Variants in PRR16 observed in about 807,000 individuals in gnomAD.
The protein encoded by PRR16 is protein Largen.
PRR16 carries 6 observed loss-of-function variants against 18.2 expected under a neutral mutation model. That is an observed-to-expected ratio of 0.33 (90% CI 0.18 to 0.65). PRR16 has a LOEUF of 0.65. Among genes scored for constraint, PRR16 ranks in the 30% least tolerant of loss-of-function variants. The probability of loss-of-function intolerance (pLI) is 0.74; values close to 1 mark genes in which losing one functional copy is unlikely to be tolerated. For synonymous variants in PRR16, 151 were observed against 147.8 expected, an observed-to-expected ratio of 1.02 and a Z score of -0.16; for missense variants, 412 against 376.6, an observed-to-expected ratio of 1.09 and a Z score of -0.78.
the PRR16 span, among the ~76,000 whole-genome samples, chr5:120,734,540 G>T: frequency 1.4e-3 from 115 of 80,330 alleles, no homozygotes; most frequent in African/African-American, 3.6e-3. Context: ...ATGCTAACCC[G>T]GCTGGGATTT....
the PRR16 span, among the ~76,000 whole-genome samples, chr5:120,750,934 C>G: frequency 6.6e-6 from 1 of 152,064 alleles, no homozygotes. Flanking sequence ...CCTATTTATC[C>G]CCTACTCCCT....
At chr5:120,785,650 G>C in the PRR16 span, among the ~76,000 whole-genome samples, 1 of 144,136 alleles carries the variant, frequency 6.9e-6, no homozygotes, top group Non-Finnish European at 1.5e-5. Flanking sequence ...TCAGCTCACT[G>C]CAACCTCCTC....
intron 1 of PRR16, among the ~76,000 whole-genome samples, chr5:120,501,730 G>C (rs532489605): frequency 1.3e-5 from 2 of 151,994 alleles, no homozygotes; most frequent in African/African-American, 4.8e-5. Context: ...GCTGAGGCGG[G>C]CAGATCACAA....
At chr5:120,793,319 T>C in the PRR16 span, among the ~76,000 whole-genome samples, 1 of 151,956 alleles carries the variant, frequency 6.6e-6, no homozygotes, top group Non-Finnish European at 1.5e-5. Context: ...CCTGAAAAGA[T>C]TAAGACCCTG....
intron 1 of PRR16, among the ~76,000 whole-genome samples, chr5:120,672,496 G>A (rs72798425): frequency 0.11 from 16,154 of 147,084 alleles, 1,129 homozygotes; most frequent in Middle Eastern, 0.15. Context: ...AAAAGCAATT[G>A]CAAATTAATT....
At chr5:120,660,557 A>C (rs934672029) in intron 1 of PRR16, among the ~76,000 whole-genome samples, 1 of 152,190 alleles carries the variant, frequency 6.6e-6, no homozygotes, top group African/African-American at 2.4e-5. Flanking sequence ...GGTACTAATG[A>C]TCCAGATTTA....
At position 120,537,877 on chromosome 5, in the gene PRR16, C is replaced by T. The variant is rs890631913; in HGVS notation, c.159+73232C>T. ...ATGCAAGCTCCGCCTCCCGGGTTCA[C>T]GCCATTCTCCTGCCTCAGCCTCCCA... On this transcript the variant is annotated intron_variant, in intron 1 of 1. Transcript: ENST00000407149. Among the ~76,000 whole-genome samples the T allele has an allele frequency of 7.4e-5, 11 of 149,000 alleles. No homozygotes were observed. The East Asian group carries it at 1.8e-3, about 24-fold the overall frequency.
chr5:120,620,022 G>A lies in PRR16; in HGVS notation c.160-65932G>A, dbSNP rs1580795363. ...GAAATAAGAATGTATAGTGTTATTAGAGCGGAGCTAAAATTAATGTGCCTC... is the reference window on the plus strand; with the variant it reads ...GAAATAAGAATGTATAGTGTTATTAAAGCGGAGCTAAAATTAATGTGCCTC... On this transcript the variant is annotated intron_variant, in intron 1 of 1. Transcript: ENST00000407149. 2.6e-5 allele frequency among the ~76,000 whole-genome samples: 4 copies of A among 152,234 alleles called. No individual in the cohort carries two copies. In the South Asian group the frequency reaches 8.3e-4, roughly 32 times the overall value.
At chr5:120,516,450 A>G (rs982031093) in intron 1 of PRR16, among the ~76,000 whole-genome samples, 2 of 148,362 alleles carry the variant, frequency 1.3e-5, no homozygotes, top group South Asian at 2.1e-4. Context: ...AAAAAAAGCA[A>G]GATGTCTTGT....
the PRR16 span, among the ~76,000 whole-genome samples, chr5:120,726,576 T>C: frequency 6.6e-6 from 1 of 152,120 alleles, no homozygotes; most frequent in Non-Finnish European, 1.5e-5. Context: ...ATTTTGATTC[T>C]TACAAATTTT....
At chr5:120,752,563 G>A in the PRR16 span, among the ~76,000 whole-genome samples, 1 of 151,942 alleles carries the variant, frequency 6.6e-6, no homozygotes, top group Non-Finnish European at 1.5e-5. Context: ...GGGAAAATAA[G>A]ATTTTCCTTA....
the PRR16 span, among the ~76,000 whole-genome samples, chr5:120,786,432 T>A: frequency 1.3e-5 from 2 of 151,522 alleles, no homozygotes; most frequent in African/African-American, 2.4e-5. Context: ...AGATTTTTTT[T>A]AACATGATTT....
chr5:120,702,201 T>C, the PRR16 span, among the ~76,000 whole-genome samples: 1 of 140,580 alleles, frequency 7.1e-6, no homozygotes, highest in African/African-American at 2.8e-5. Context: ...GGTGTGGAAA[T>C]AAGGGATGGG....
At chr5:120,651,193 A>T (rs1221706272) in intron 1 of PRR16, among the ~76,000 whole-genome samples, 1 of 151,690 alleles carries the variant, frequency 6.6e-6, no homozygotes, top group East Asian at 1.9e-4. Flanking sequence ...TTTTCTTGTC[A>T]ATTTGTTTGA....
the PRR16 span, among the ~76,000 whole-genome samples, chr5:120,734,234 G>C: frequency 0.048 from 7,379 of 152,248 alleles, 626 homozygotes; most frequent in African/African-American, 0.17. Context: ...GCTTCCCAGG[G>C]AGAAGCCGCA....
At chr5:120,733,177 G>A in the PRR16 span, among the ~76,000 whole-genome samples, 2 of 152,160 alleles carry the variant, frequency 1.3e-5, no homozygotes, top group African/African-American at 4.8e-5. Context: ...ACAGAGTCTT[G>A]TTCTGTCACC....
chr5:120,624,582 C>G (rs1414283085), intron 1 of PRR16, among the ~76,000 whole-genome samples: 2 of 152,180 alleles, frequency 1.3e-5, no homozygotes, highest in East Asian at 3.9e-4. Context: ...AATTACTCAA[C>G]ATCTCTGTGC....
chr5:120,688,605 T>C (rs1253827309), downstream of PRR16, among the ~76,000 whole-genome samples: 1 of 152,200 alleles, frequency 6.6e-6, no homozygotes, highest in East Asian at 1.9e-4. Context: ...CACATGTCTA[T>C]CAAAAGCTAG....
At chr5:120,760,412 C>A in the PRR16 span, among the ~76,000 whole-genome samples, 2 of 152,076 alleles carry the variant, frequency 1.3e-5, no homozygotes, top group Admixed American at 6.6e-5. Context: ...TCTATACTTG[C>A]ATCTTCTCCC....
Sources: gnomAD v4.1 joint callset for allele counts (sites outside exome capture counted in the v4.1 genomes callset) on GRCh38, gnomAD v4.1.1 for gene constraint, MANE v1.5 for transcripts, NCBI Gene and HGNC (gene_info 2026-07-23, HGNC 2026-07-21) for gene names.